Variants in GPR4 observed in about 807,000 individuals in gnomAD.
GPR4 encodes the protein G protein-coupled receptor 4, also known as G-prodeshotein coupled receptor 4.
Under a neutral mutation model 17.8 loss-of-function variants are expected in GPR4, and 11 were observed. That is an observed-to-expected ratio of 0.62 (90% confidence interval 0.39 to 1.02). GPR4 has a LOEUF of 1.02. Among genes scored for constraint, GPR4 ranks in the 50% least tolerant of loss-of-function variants. GPR4 has a pLI of 0.00. For synonymous variants in GPR4, 219 were observed against 222.8 expected (o/e 0.98, Z 0.15); for missense variants, 364 against 495.4 (o/e 0.73, Z 2.52).
At position 45,591,197 on chromosome 19, in the gene GPR4, G is replaced by T; in HGVS notation, c.670C>A (p.Arg224=). The T allele has an allele frequency of 6.2e-7, 1 of 1,613,574 alleles. No homozygotes were observed. Among genetic ancestry groups the T allele is most frequent in the Non-Finnish European group, 8.5e-7 (1 of 1,179,984 alleles). ...TERQEKAKIK[R]LALSLIAIVL... ...ATGGCGATGAGGCTGAGGGCCAGCC[G>T]CTTGATCTTGGCCTTCTCCTGGCGC... Residue 224 remains arginine, a synonymous_variant, in exon 2 of 2, where the codon CGG becomes AGG. Transcript: ENST00000323040. This position sits in a 1 kb window ranked among gnomAD's most constrained non-coding sequence, Gnocchi z 7.6.
chr19:45,600,964 C>T (rs1205728113), intron 1 of GPR4, among the ~76,000 whole-genome samples: 2 of 152,190 alleles, frequency 1.3e-5, no homozygotes, highest in African/African-American at 4.8e-5. Flanking sequence ...GTTCCAGGAG[C>T]CCCTATGGGT....
chr19:45,591,779 C>A lies in GPR4; in HGVS notation c.88G>T (p.Val30Leu). ...GCCAGGCAGTTGGTGGGCAGCCCCA[C>A]GCCGATGACAAAGATGTAGAGGGAT... The part of the protein sequence containing the change: ...PPSLYIFVIG[V>L]GLPTNCLALW... The change falls in exon 2 of 2, where the codon GTG (valine) becomes TTG (leucine). Residue 30 changes from valine (V) to leucine (L), a missense_variant. Transcript: ENST00000323040. The surrounding 1 kb of genome is among the most constrained non-coding windows in gnomAD (Gnocchi z 7.6). 6.2e-7 allele frequency: 1 copy of A among 1,612,976 alleles called. No homozygotes were observed. Among genetic ancestry groups the A allele is most frequent in the Non-Finnish European group, 8.5e-7 (1 of 1,179,626 alleles).
At chr19:45,597,382 T>C (rs942262376) in intron 1 of GPR4, among the ~76,000 whole-genome samples, 1 of 152,140 alleles carries the variant, frequency 6.6e-6, no homozygotes, top group African/African-American at 2.4e-5. Flanking sequence ...ATAGTCTGAG[T>C]AGCTCCGTTC....
Position 45,591,196 on chromosome 19 carries a change from C to T in GPR4, c.671G>A (p.Arg224Gln). ...TERQEKAKIK[R>Q]LALSLIAIVL... ...GATGGCGATGAGGCTGAGGGCCAGC[C>T]GCTTGATCTTGGCCTTCTCCTGGCG... Residue 224 changes from arginine to glutamine, a missense_variant, in exon 2 of 2, where the codon CGG becomes CAG. By Grantham distance (43) the Arg-to-Gln change is conservative (BLOSUM62 1). Around this residue, in one of 3 missense-constraint regions of GPR4, gnomAD observed 271 missense variants for 373.1 expected, o/e 0.73. Coordinates refer to ENST00000323040, the MANE Select transcript of GPR4 (RefSeq NM_005282.3). The surrounding 1 kb of genome is among the most constrained non-coding windows in gnomAD (Gnocchi z 7.6). 1.2e-6 allele frequency: 2 copies of T among 1,613,566 alleles called. No individual in the cohort carries two copies. The highest frequency in any genetic ancestry group is 8.5e-7 in the Non-Finnish European group (1 of 1,179,986).
rs201673180 is a variant in GPR4, at chr19:45,595,526, C to T, written c.-831-2829G>A. Among the ~76,000 whole-genome samples, 310 of 152,144 alleles carry T rather than the reference C, an allele frequency of 2.0e-3. 1 individual carries two copies. The highest frequency in any genetic ancestry group is 7.0e-3 in the African/African-American group (292 of 41,508). On this transcript the variant is annotated intron_variant, in intron 1 of 1. Transcript: ENST00000323040. ...TCTTCACTGTCTCTGCCCTTTCCCC[C>T]GCAATTTTCCTGAGTGAGAACCTTG... is the stretch of plus-strand genomic sequence containing the variant.
At position 45,590,810 on chromosome 19, in the gene GPR4, C is replaced by T; in HGVS notation, c.1057G>A (p.Val353Met). 1 of 1,589,426 alleles carries T rather than the reference C, an allele frequency of 6.3e-7. No homozygotes were observed. Among genetic ancestry groups the T allele is most frequent in the Non-Finnish European group, 8.6e-7 (1 of 1,166,782 alleles). ...GCTGGCGGCAGCATCTTCAGCTGCA[C>T]CTGGTCCCCCTGGGAGGGCGGAGTG... ...AATPPSQGDQ[V>M]QLKMLPPAQ Residue 353 changes from valine to methionine, a missense_variant, in exon 2 of 2, where the codon GTG becomes ATG. Transcript: ENST00000323040.
intron 1 of GPR4, among the ~76,000 whole-genome samples, chr19:45,594,729 T>G (rs1970039709): frequency 6.9e-6 from 1 of 144,442 alleles, no homozygotes; most frequent in Non-Finnish European, 1.5e-5. Flanking sequence ...ATGCCTGTAA[T>G]CCCAGCACTT....
chr19:45,590,901 G>C lies in GPR4; in HGVS notation c.966C>G (p.Thr322=), dbSNP rs907639653. 2 of 1,614,130 alleles carry C rather than the reference G, an allele frequency of 1.2e-6. No individual in the cohort carries two copies. The highest frequency in any genetic ancestry group is 8.5e-7 in the Non-Finnish European group (1 of 1,180,040). Residue 322 remains threonine (T), a synonymous_variant, in exon 2 of 2, where the codon ACC becomes ACG. Coordinates refer to ENST00000323040, the MANE Select transcript of GPR4 (RefSeq NM_005282.3). The part of the protein sequence containing the change: ...KPQEMANASL[T]LETPLTSKRN... ...TCTTGGAGGTGAGTGGGGTCTCCAGGGTGAGCGAGGCATTGGCCATCTCCT... is the reference window on the plus strand; with the variant it reads ...TCTTGGAGGTGAGTGGGGTCTCCAGCGTGAGCGAGGCATTGGCCATCTCCT...
chr19:45,594,078 A>ATATATATTTTTTTTATATATATTT (rs1555738344), intron 1 of GPR4, among the ~76,000 whole-genome samples: 4 of 74,608 alleles, frequency 5.4e-5, no homozygotes, highest in African/African-American at 3.3e-4. Flanking sequence ...ATATATATAT[A>ATATATATTTTTTTTATATATATTT]TATATATATA....
chr19:45,597,333 T>C (rs1158248607), intron 1 of GPR4, among the ~76,000 whole-genome samples: 7 of 152,174 alleles, frequency 4.6e-5, no homozygotes, highest in Admixed American at 3.3e-4. Flanking sequence ...CCTCTCAAAG[T>C]GCTGGGATTA....
At chr19:45,601,426 C>T (rs12608665) in intron 1 of GPR4, among the ~76,000 whole-genome samples, 21,624 of 151,996 alleles carry the variant, frequency 0.14, 1,920 homozygotes, top group East Asian at 0.22. Flanking sequence ...TGGGTGCGAC[C>T]TGAGGGGCAG....
chr19:45,597,441 C>G (rs1970068803), intron 1 of GPR4, among the ~76,000 whole-genome samples: 1 of 152,170 alleles, frequency 6.6e-6, no homozygotes, highest in Non-Finnish European at 1.5e-5. Flanking sequence ...CCCGACTCTC[C>G]CCTGCCCCAG....
At chr19:45,594,441 A>AAAAG (rs1007174492) in intron 1 of GPR4, among the ~76,000 whole-genome samples, 1 of 150,330 alleles carries the variant, frequency 6.7e-6, no homozygotes, top group African/African-American at 2.5e-5. Flanking sequence ...AAAAAAAAAA[A>AAAAG]AGAGATCCTC....
chr19:45,591,136 A>G lies in GPR4; in HGVS notation c.731T>C (p.Leu244Ser), dbSNP rs750901780. Residue 244 changes from leucine to serine, a missense_variant, in exon 2 of 2, where the codon TTG (leucine) becomes TCG (serine). Around this residue, in one of 3 missense-constraint regions of GPR4, gnomAD observed 271 missense variants for 373.1 expected, o/e 0.73. Coordinates refer to ENST00000323040, the MANE Select transcript of GPR4 (RefSeq NM_005282.3). The surrounding 1 kb of genome is among the most constrained non-coding windows in gnomAD (Gnocchi z 7.6). ...CAGGTAGATGGCGCTGCGGGACAGC[A>G]AGAGCACGTGATAGGGCGCAAAGCA... is the stretch of plus-strand genomic sequence containing the variant. ...LVCFAPYHVLLLSRSAIYLGR... is the reference protein window; with the variant it reads ...LVCFAPYHVLSLSRSAIYLGR... The G allele has an allele frequency of 1.2e-6, 2 of 1,613,724 alleles. No individual in the cohort carries two copies. Among genetic ancestry groups the G allele is most frequent in the Non-Finnish European group, 1.7e-6 (2 of 1,179,974 alleles).
chr19:45,591,736 C>A lies in GPR4; in HGVS notation c.131G>T (p.Arg44Leu). 2 of 1,613,904 alleles carry A rather than the reference C, an allele frequency of 1.2e-6. No individual in the cohort carries two copies. Among genetic ancestry groups the A allele is most frequent in the South Asian group, 2.2e-5 (2 of 91,060 alleles). ...TNCLALWAAY[R>L]QVQQRNELGV... ...CAGCTCGTTGCGCTGTTGCACCTGGCGGTAGGCCGCCCACAGAGCCAGGCA... is the reference window on the plus strand; with the variant it reads ...CAGCTCGTTGCGCTGTTGCACCTGGAGGTAGGCCGCCCACAGAGCCAGGCA... Residue 44 changes from arginine to leucine, a missense_variant, in exon 2 of 2, where the codon CGC (arginine) becomes CTC (leucine). Physicochemically the swap from Arg to Leu is moderately radical, Grantham distance 102 (BLOSUM62 -2). Around this residue, in one of 3 missense-constraint regions of GPR4, gnomAD observed 271 missense variants for 373.1 expected, o/e 0.73. Coordinates refer to ENST00000323040, the MANE Select transcript of GPR4 (RefSeq NM_005282.3). This position sits in a 1 kb window ranked among gnomAD's most constrained non-coding sequence, Gnocchi z 7.6.
rs35760707 is a variant in GPR4 at position 45,591,926 on chromosome 19, G to A, written c.-60C>T. On this transcript the variant is annotated 5_prime_UTR_variant, in exon 2 of 2. Transcript: ENST00000323040. The surrounding 1 kb of genome is among the most constrained non-coding windows in gnomAD (Gnocchi z 7.6). ...GCCCACGGGGGCTGTGGGGCCACAG[G>A]GAGCGGGAGGCCATGGGGCCCCCTG... is the stretch of plus-strand genomic sequence containing the variant. The A allele has an allele frequency of 1.2e-4, 188 of 1,511,752 alleles. No individual in the cohort carries two copies. In the East Asian group the frequency reaches 2.3e-3, roughly 19 times the overall value. 93.6% of individuals were successfully genotyped at this position (1,511,752 alleles called of 1,614,324 possible).
rs1248604053 is a variant in GPR4 at position 45,602,077 on chromosome 19, G to A, written c.-832+18C>T. 1.3e-5 allele frequency: 2 copies of A among 152,288 alleles called. No homozygotes were observed. The highest frequency in any genetic ancestry group is 4.8e-5 in the African/African-American group (2 of 41,458). 9.4% of individuals were successfully genotyped at this position (152,288 alleles called of 1,614,324 possible). A position where few individuals can be genotyped will look rare whatever the true frequency, so the allele number is the denominator to read the frequency against. ...ACCCCGCAGCATCGCGGGCAGCCGG[G>A]GAGGACCCGGCACTTACCTGCGCGC... On this transcript the variant is annotated intron_variant, in intron 1 of 1. Coordinates refer to ENST00000323040, the MANE Select transcript of GPR4 (RefSeq NM_005282.3).
At position 45,589,919 on chromosome 19, in the gene GPR4, T is replaced by G. The variant is rs1244147023; in HGVS notation, c.*859A>C. 6.6e-6 allele frequency: 1 copy of G among 152,326 alleles called. No individual in the cohort carries two copies. The highest frequency in any genetic ancestry group is 2.4e-5 in the African/African-American group (1 of 41,436). 9.4% of individuals were successfully genotyped at this position (152,326 alleles called of 1,614,324 possible). On this transcript the variant is annotated 3_prime_UTR_variant, in exon 2 of 2. Coordinates refer to ENST00000323040, the MANE Select transcript of GPR4 (RefSeq NM_005282.3). Reference sequence around the variant, plus strand: ...TGTTGAATGAATGAATAAATACCCTTTCTTCTTGTCCCACACCTTCTTCCC... The same window carrying G: ...TGTTGAATGAATGAATAAATACCCTGTCTTCTTGTCCCACACCTTCTTCCC...
At chr19:45,594,612 A>G (rs1970038661) in intron 1 of GPR4, among the ~76,000 whole-genome samples, 1 of 152,172 alleles carries the variant, frequency 6.6e-6, no homozygotes, top group South Asian at 2.1e-4. Flanking sequence ...AGACCTGTCC[A>G]AGGTCCTGAT....
Sources: allele counts gnomAD v4.1 joint callset (sites outside exome capture counted in the v4.1 genomes callset), GRCh38; gene constraint gnomAD v4.1.1; regional missense constraint gnomAD v4.1.1; non-coding constraint Gnocchi (gnomAD v3.1); transcripts MANE v1.5; gene names NCBI Gene and HGNC (gene_info 2026-07-23, HGNC 2026-07-21).